The following ATP11A variants were observed in gnomAD, a reference collection of about 807,000 sequenced individuals.
ATP11A encodes phospholipid-transporting ATPase IH.
In ATP11A, 81 loss-of-function variants were observed where a neutral mutation model predicts 154.4. That is an observed-to-expected ratio of 0.52 (90% CI 0.44 to 0.63). The LOEUF is 0.63. Among genes scored for constraint, ATP11A ranks in the 30% least tolerant of loss-of-function variants. The probability of loss-of-function intolerance (pLI) is 0.00; values close to 1 mark genes in which losing one functional copy is unlikely to be tolerated. For missense variants in ATP11A, 1,316 were observed against 1,474.3 expected, an observed-to-expected ratio of 0.89 and a Z score of 1.76; for synonymous variants, 623 against 585.9, an observed-to-expected ratio of 1.06 and a Z score of -0.91.
intron 25 of ATP11A, among the ~76,000 whole-genome samples, chr13:112,871,072 C>G (rs574664051): frequency 1.3e-5 from 2 of 152,326 alleles, no homozygotes; most frequent in East Asian, 3.9e-4. Context: ...TCCTGTCTGC[C>G]GGCTTGTCTT....
chr13:112,831,289 G>A, intron 12 of ATP11A, 86 bp from the exon 13 acceptor site: 1 of 1,448,138 alleles, frequency 6.9e-7, no homozygotes, highest in Middle Eastern at 1.8e-4. Context: ...GTGGGAGCTG[G>A]GGAGGAAACA....
intron 1 of ATP11A, among the ~76,000 whole-genome samples, chr13:112,768,199 G>A (rs932095750): frequency 5.9e-5 from 9 of 152,234 alleles, no homozygotes; most frequent in Non-Finnish European, 7.3e-5. Context: ...CTGCCAGGGC[G>A]GCCCTGTGAT....
At chr13:112,728,486 T>C (rs1034184214) in intron 1 of ATP11A, among the ~76,000 whole-genome samples, 2 of 148,622 alleles carry the variant, frequency 1.3e-5, no homozygotes, top group Admixed American at 1.3e-4. Flanking sequence ...CTTCCCTGTG[T>C]TACCTGTATG....
chr13:112,849,722 A>G (rs536924225), intron 17 of ATP11A, among the ~76,000 whole-genome samples: 148 of 152,382 alleles, frequency 9.7e-4, no homozygotes, highest in African/African-American at 3.3e-3. Context: ...GCTGTGTGCC[A>G]GGGATTCAGT....
chr13:112,771,171 C>T (rs1224938670), intron 1 of ATP11A, among the ~76,000 whole-genome samples: 1 of 152,254 alleles, frequency 6.6e-6, no homozygotes, highest in Non-Finnish European at 1.5e-5. Context: ...CGGGCAGCCA[C>T]AACCCAGGCC....
chr13:112,872,173 T>C (rs192612079), intron 26 of ATP11A, among the ~76,000 whole-genome samples: 12 of 152,356 alleles, frequency 7.9e-5, no homozygotes, highest in African/African-American at 2.9e-4. Context: ...TTGAAAAATT[T>C]CACTCTTTAA....
At chr13:112,802,665 A>G (rs2078171815) in intron 2 of ATP11A, among the ~76,000 whole-genome samples, 1 of 152,134 alleles carries the variant, frequency 6.6e-6, no homozygotes, top group Non-Finnish European at 1.5e-5. Flanking sequence ...ATGTATAATA[A>G]TGAAACTTGT....
chr13:112,722,784 C>T (rs1037700108), intron 1 of ATP11A, among the ~76,000 whole-genome samples: 10 of 152,100 alleles, frequency 6.6e-5, no homozygotes, highest in African/African-American at 2.4e-4. Flanking sequence ...AGGAAGTGGT[C>T]CAAGGTGGTG....
At position 112,831,441 on chromosome 13, in the gene ATP11A, T is replaced by A. The variant is rs2079080981; in HGVS notation, c.1288T>A (p.Cys430Ser). ...TENNMEFKEC[C>S]IEGHVYVPHV... ...AAACAACATGGAGTTCAAGGAGTGCTGCATCGAAGGCCATGTCTACGTGCC... is the reference window on the plus strand; with the variant it reads ...AAACAACATGGAGTTCAAGGAGTGCAGCATCGAAGGCCATGTCTACGTGCC... The change falls in exon 13 of 30, where the codon TGC (cysteine) becomes AGC (serine). Residue 430 changes from cysteine to serine, a missense_variant. Around this residue, in one of 5 missense-constraint regions of ATP11A, gnomAD observed 876 missense variants for 1,006.8 expected, o/e 0.87. Transcript: ENST00000375645. The A allele has an allele frequency of 6.2e-7, 1 of 1,614,154 alleles. No homozygotes were observed.
At chr13:112,834,961 A>G (rs927784804) in intron 15 of ATP11A, among the ~76,000 whole-genome samples, 1 of 152,248 alleles carries the variant, frequency 6.6e-6, no homozygotes, top group African/African-American at 2.4e-5. Context: ...AGCCACCTGA[A>G]GTCAGGTTTT....
At chr13:112,789,612 C>T (rs562150055) in intron 2 of ATP11A, among the ~76,000 whole-genome samples, 52 of 150,706 alleles carry the variant, frequency 3.5e-4, no homozygotes, top group African/African-American at 1.2e-3. Context: ...CTGTGGAGAC[C>T]TACTTAATTC....
Position 112,842,268 on chromosome 13 carries a change from T to C in ATP11A, c.1706-8T>C. ...GTGATTAAACTCCTCATTTTTCTCA[T>C]TTTGTAGGAGAAATTTATCTGTTTT... On this transcript the variant is annotated splice_polypyrimidine_tract_variant and splice_region_variant and intron_variant, in intron 16 of 29. Transcript: ENST00000375645. 6.3e-7 allele frequency: 1 copy of C among 1,598,328 alleles called. No homozygotes were observed. The highest frequency in any genetic ancestry group is 8.5e-7 in the Non-Finnish European group (1 of 1,169,806).
In ATP11A at chr13:112,742,455, G is replaced by A. The variant is rs1403960455; in HGVS notation, c.40-42680G>A. ...ACGCGGTGTCACAGGTCGTGTGTGG[G>A]GGGACTTATGACAGGTGCTGTCTGA... On this transcript the variant is annotated intron_variant, in intron 1 of 29. Transcript: ENST00000375645. 2.6e-5 allele frequency among the ~76,000 whole-genome samples: 4 copies of A among 152,182 alleles called. No individual in the cohort carries two copies. In the East Asian group the frequency reaches 5.8e-4, roughly 22 times the overall value.
chr13:112,721,025 C>T (rs769955502), intron 1 of ATP11A, among the ~76,000 whole-genome samples: 4 of 152,128 alleles, frequency 2.6e-5, no homozygotes, highest in Non-Finnish European at 5.9e-5. Context: ...AGGTGAACCA[C>T]AGGCCACAGT....
At chr13:112,736,856 A>G (rs1171811765) in intron 1 of ATP11A, among the ~76,000 whole-genome samples, 1 of 152,204 alleles carries the variant, frequency 6.6e-6, no homozygotes, top group Non-Finnish European at 1.5e-5. Flanking sequence ...AAGAAAATCC[A>G]CAGGACGGGA....
chr13:112,818,723 A>G (rs1230584793), intron 6 of ATP11A, among the ~76,000 whole-genome samples: 1 of 152,220 alleles, frequency 6.6e-6, no homozygotes, highest in Non-Finnish European at 1.5e-5. Context: ...TGCAGTTCTC[A>G]GGCCCTCCCT....
intron 1 of ATP11A, among the ~76,000 whole-genome samples, chr13:112,739,138 T>G (rs1459507121): frequency 6.6e-6 from 1 of 152,158 alleles, no homozygotes; most frequent in African/African-American, 2.4e-5. Context: ...AGATTAAAAT[T>G]AAAGACTTTT....
In ATP11A at chr13:112,836,208, CTCAG is replaced by C; in HGVS notation, c.1667_1670del (p.Val556GlufsTer4). The C allele has an allele frequency of 1.9e-6, 3 of 1,612,876 alleles. No homozygotes were observed. The highest frequency in any genetic ancestry group is 2.5e-6 in the Non-Finnish European group (3 of 1,179,278). The stretch of plus-strand genomic sequence containing the variant: ...AATTGCTGGAAATTTTGAGTTTTGA[CTCAG>C]TCAGAAGGAGAATGAGTGTAATTGT... On this transcript the variant is annotated frameshift_variant, in exon 16 of 30. Coordinates refer to ENST00000375645, the MANE Select transcript of ATP11A (RefSeq NM_015205.3). LOFTEE classifies it high-confidence loss of function.
chr13:112,779,871 T>G (rs1296906200), intron 1 of ATP11A, among the ~76,000 whole-genome samples: 2 of 151,246 alleles, frequency 1.3e-5, no homozygotes, highest in East Asian at 3.9e-4. Context: ...GCCATTGCAC[T>G]CCAGCCTGGG....
Sources: gnomAD v4.1 joint callset for allele counts (sites outside exome capture counted in the v4.1 genomes callset) on GRCh38, gnomAD v4.1.1 for gene constraint, gnomAD v4.1.1 regional missense constraint, MANE v1.5 for transcripts, NCBI Gene and HGNC (gene_info 2026-07-23, HGNC 2026-07-21) for gene names.